Variants in SMG5 observed in about 807,000 individuals in gnomAD.
SMG5 encodes nonsense-mediated mRNA decay factor SMG5.
A neutral mutation model predicts 122.9 loss-of-function variants in SMG5; 53 were observed. The observed-to-expected ratio is 0.43, with a 90% CI of 0.35 to 0.54. The LOEUF is 0.54. Among genes scored for constraint, SMG5 ranks in the 20% least tolerant of loss-of-function variants. The pLI, the probability that SMG5 is intolerant of heterozygous loss-of-function variation, is 0.01. For synonymous variants in SMG5, 477 were observed against 490.2 expected (o/e 0.97, Z 0.35); for missense variants, 1,153 against 1,285.6 (o/e 0.90, Z 1.58).
intron 17 of SMG5, 102 bp from the exon 18 acceptor site, chr1:156,253,180 T>A: frequency 7.6e-7 from 1 of 1,320,856 alleles, no homozygotes; most frequent in Non-Finnish European, 1.0e-6. Context: ...CCTCCTGTTG[T>A]TAAGGGGATC....
chr1:156,271,513 T>C (rs889068582), intron 7 of SMG5, among the ~76,000 whole-genome samples: 2 of 151,908 alleles, frequency 1.3e-5, no homozygotes, highest in South Asian at 2.1e-4. Context: ...TTACAGCGAC[T>C]TGTATGGCGA....
At chr1:156,276,916 T>C (rs1280634835) in intron 4 of SMG5, among the ~76,000 whole-genome samples, 169 bp downstream of exon 4, 1 of 152,238 alleles carries the variant, frequency 6.6e-6, no homozygotes, top group Non-Finnish European at 1.5e-5. Context: ...ATCTTTACCC[T>C]AACTCATATG....
intron 15 of SMG5, 132 bp from the exon 16 acceptor site, chr1:156,259,295 G>T: frequency 1.0e-6 from 1 of 972,362 alleles, no homozygotes; most frequent in Non-Finnish European, 1.4e-6. Flanking sequence ...GGGCTCCAGG[G>T]GAAGATTTGT....
intron 10 of SMG5, among the ~76,000 whole-genome samples, chr1:156,267,147 C>T (rs1301158574): frequency 6.6e-6 from 1 of 152,198 alleles, no homozygotes; most frequent in Non-Finnish European, 1.5e-5. Context: ...GCCTAAATGC[C>T]TCCAACAGAA....
Position 156,267,570 on chromosome 1 carries a change from A to C in SMG5, c.1017T>G (p.Asp339Glu). The C allele has an allele frequency of 6.2e-7, 1 of 1,614,056 alleles. No individual in the cohort carries two copies. The highest frequency in any genetic ancestry group is 2.2e-5 in the East Asian group (1 of 44,880). Residue 339 changes from aspartate (D) to glutamate (E), a missense_variant, in exon 10 of 22, where the codon GAT becomes GAG. By Grantham distance (45) the Asp-to-Glu change is conservative (BLOSUM62 2). Transcript: ENST00000361813. ...SSPNLSLASE[D>E]EEEYESGYAF... ...CATATCCACTCTCATACTCCTCCTCATCCTCACTGGCCAGGCTGAGGTTGG... is the reference window on the plus strand; with the variant it reads ...CATATCCACTCTCATACTCCTCCTCCTCCTCACTGGCCAGGCTGAGGTTGG...
chr1:156,258,148 G>A (rs1661662229), intron 16 of SMG5, among the ~76,000 whole-genome samples: 1 of 152,238 alleles, frequency 6.6e-6, no homozygotes, highest in African/African-American at 2.4e-5. Context: ...TGGGGCCCCT[G>A]TGGGATGGGA....
At chr1:156,253,625 T>A in intron 16 of SMG5, 117 bp from the exon 17 acceptor site, 2 of 882,220 alleles carry the variant, frequency 2.3e-6, no homozygotes, top group Non-Finnish European at 3.8e-6. Flanking sequence ...AGTCACTCTC[T>A]AGCACTGCTG....
Position 156,253,344 on chromosome 1 carries a change from G to C in SMG5, c.2502+105C>G, listed in dbSNP as rs573526701. The C allele has an allele frequency of 2.3e-5, 28 of 1,211,568 alleles. No individual in the cohort carries two copies. In the South Asian group the frequency reaches 2.7e-4, roughly 12 times the overall value. The allele number at this position is 1,211,568 out of a possible 1,614,324, so 75.1% of individuals were successfully genotyped here. ...TCTGGGAGAGGCGGAGGGACACAGA[G>C]GCAACAGAGCAGGGGGACTACAGCG... On this transcript the variant is annotated intron_variant, in intron 17 of 21. Coordinates refer to ENST00000361813, the MANE Select transcript of SMG5 (RefSeq NM_015327.3).
Position 156,250,354 on chromosome 1 carries a change from G to A in SMG5, c.*233C>T, listed in dbSNP as rs867731250. The A allele has an allele frequency of 1.1e-5, 6 of 533,152 alleles. No individual in the cohort carries two copies. The highest frequency in any genetic ancestry group is 7.6e-5 in the African/African-American group (4 of 52,552). The allele number at this position is 533,152 out of a possible 1,614,324, so 33.0% of individuals were successfully genotyped here. A position where few individuals can be genotyped will look rare whatever the true frequency, so the allele number is the denominator to read the frequency against. ...AGGAAGGCTGGCCAGGGGCCCACAA[G>A]ACTCTCCTAATCCAAGCACTTTCCT... On this transcript the variant is annotated 3_prime_UTR_variant, in exon 22 of 22. Coordinates refer to ENST00000361813, the MANE Select transcript of SMG5 (RefSeq NM_015327.3).
At chr1:156,266,434 C>T in intron 11 of SMG5, 54 bp from the exon 12 acceptor site, 3 of 1,599,954 alleles carry the variant, frequency 1.9e-6, no homozygotes, top group Non-Finnish European at 2.6e-6. Context: ...AGCCTGGAAG[C>T]TGGAATGTGC....
chr1:156,283,547 A>G (rs1663061047), upstream of SMG5, among the ~76,000 whole-genome samples: 1 of 152,156 alleles, frequency 6.6e-6, no homozygotes. Flanking sequence ...ATTGGAAATC[A>G]GGGCAGGTGG....
At chr1:156,253,409 T>C (rs750294318) in intron 17 of SMG5, 40 bp downstream of exon 17, 2 of 1,601,640 alleles carry the variant, frequency 1.2e-6, no homozygotes, top group South Asian at 1.1e-5. Context: ...ACAAAAGCTC[T>C]ACCAAGTGCA....
intron 4 of SMG5, among the ~76,000 whole-genome samples, chr1:156,275,464 AC>A (rs57022169): frequency 0.024 from 3,654 of 152,320 alleles, 152 homozygotes; most frequent in African/African-American, 0.084. Context: ...TCTCACAGCA[AC>A]CCTATGAGGT....
At chr1:156,266,492 A>C in intron 11 of SMG5, 49 bp downstream of exon 11, 1 of 1,612,740 alleles carries the variant, frequency 6.2e-7, no homozygotes, top group Non-Finnish European at 8.5e-7. Context: ...CTTCATCCCC[A>C]TGCCCCACAC....
At chr1:156,291,178 T>C in the SMG5 span, 1 of 571,436 alleles carries the variant, frequency 1.7e-6, no homozygotes, top group Non-Finnish European at 3.1e-6. Flanking sequence ...TTCATAAAGA[T>C]GTGGGGAAGT....
At chr1:156,276,996 T>G (rs1662711292) in intron 4 of SMG5, 89 bp downstream of exon 4, 1 of 1,352,588 alleles carries the variant, frequency 7.4e-7, no homozygotes, top group Non-Finnish European at 1.0e-6. Flanking sequence ...TCTGCCTGGC[T>G]GGGTCGCAAG....
rs958026026 is a variant in SMG5 at position 156,249,423 on chromosome 1, C to T, written c.*1164G>A. 2 of 311,842 alleles carry T rather than the reference C, an allele frequency of 6.4e-6. No homozygotes were observed. Among genetic ancestry groups the T allele is most frequent in the Admixed American group, 4.6e-5 (1 of 21,920 alleles). 19.3% of individuals were successfully genotyped at this position (311,842 alleles called of 1,614,324 possible). On this transcript the variant is annotated 3_prime_UTR_variant, in exon 22 of 22. Transcript: ENST00000361813. Reference sequence around the variant, plus strand: ...GGGGCAGCAGAGCTGAGACCCTCCACCCCGAGCCCCTAGCCTGTGCTATCC... The same window carrying T: ...GGGGCAGCAGAGCTGAGACCCTCCATCCCGAGCCCCTAGCCTGTGCTATCC...
At chr1:156,289,975 A>C in the SMG5 span, 1 of 152,248 alleles carries the variant, frequency 6.6e-6, no homozygotes, top group African/African-American at 2.4e-5. Flanking sequence ...GTTTGGGTTC[A>C]TATCATGGCT....
chr1:156,253,134 G>A, intron 17 of SMG5, 56 bp from the exon 18 acceptor site: 1 of 1,502,096 alleles, frequency 6.7e-7, no homozygotes, highest in Non-Finnish European at 8.9e-7. Flanking sequence ...AGCCGGGCCG[G>A]GGGAAGAGTG....
Sources: allele counts gnomAD v4.1 joint callset (sites outside exome capture counted in the v4.1 genomes callset), GRCh38; gene constraint gnomAD v4.1.1; transcripts MANE v1.5; gene names NCBI Gene and HGNC (gene_info 2026-07-23, HGNC 2026-07-21).